VPS25: variants seen among roughly 807,000 people sequenced by gnomAD.
VPS25 encodes vacuolar protein sorting 25 homolog.
In VPS25, 21 loss-of-function variants were observed where a neutral mutation model predicts 30.3. That is an observed-to-expected ratio of 0.69 (90% CI 0.49 to 1.00). The LOEUF (loss-of-function observed/expected upper bound fraction) is 1.00. Ranked by LOEUF, VPS25 falls within the 50% of genes least tolerant of loss-of-function variation. VPS25 has a pLI of 0.00. For missense variants in VPS25, 156 were observed against 217.2 expected (o/e 0.72, Z 1.77); for synonymous variants, 101 against 88.1 (o/e 1.15, Z -0.82).
intron 5 of VPS25, 141 bp from the exon 6 acceptor site, chr17:42,778,816 A>C: frequency 3.1e-6 from 2 of 635,768 alleles, no homozygotes; most frequent in Non-Finnish European, 5.5e-6. Flanking sequence ...AGTGCCTGGG[A>C]AGTGTGGATG....
At chr17:42,778,774 T>C (rs1295612003) in intron 5 of VPS25, among the ~76,000 whole-genome samples, 183 bp from the exon 6 acceptor site, 4 of 152,230 alleles carry the variant, frequency 2.6e-5, no homozygotes, top group Admixed American at 2.6e-4. Flanking sequence ...TTCATGCTGA[T>C]TCAGGCTTTC....
At chr17:42,778,615 G>A (rs1475596501) in intron 5 of VPS25, among the ~76,000 whole-genome samples, 1 of 152,208 alleles carries the variant, frequency 6.6e-6, no homozygotes, top group East Asian at 1.9e-4. Context: ...AGTGACAATG[G>A]CTCCGATCTC....
chr17:42,773,524 T>A lies in VPS25; in HGVS notation c.49T>A (p.Phe17Ile), dbSNP rs771891303. 7.4e-6 allele frequency: 12 copies of A among 1,614,006 alleles called. No homozygotes were observed. The highest frequency in any genetic ancestry group is 2.5e-6 in the Non-Finnish European group (3 of 1,180,024). The change falls in exon 1 of 6, where the codon TTT becomes ATT. Residue 17 changes from phenylalanine to isoleucine, a missense_variant. By Grantham distance (21) the Phe-to-Ile change is conservative. Transcript: ENST00000253794. ...GTGGCAGTATCGCTTCCCACCCTTCTTTACGTGAGGCTCAGACCCCAAGAA... is the reference window on the plus strand; with the variant it reads ...GTGGCAGTATCGCTTCCCACCCTTCATTACGTGAGGCTCAGACCCCAAGAA... ...WPWQYRFPPF[F>I]TLQPNVDTRQ...
In VPS25 at chr17:42,773,870, A is replaced by C. The variant is rs779021311; in HGVS notation, c.191A>C (p.Lys64Thr). The C allele has an allele frequency of 1.9e-6, 3 of 1,613,224 alleles. No individual in the cohort carries two copies. In the South Asian group the frequency reaches 3.3e-5, roughly 18 times the overall value. The change falls in exon 2 of 6, where the codon AAG becomes ACG. Residue 64 changes from lysine (K) to threonine (T), a missense_variant. Transcript: ENST00000253794. ...GAGAGCCCGCTCTTCAACAACGTCA[A>C]GCTACAGCGTATCCTCCCTCAGGCT... ...AQESPLFNNV[K>T]LQRKLPVESI...
At chr17:42,773,614 G>C (rs2054421171) in intron 1 of VPS25, 86 bp downstream of exon 1, 3 of 1,607,358 alleles carry the variant, frequency 1.9e-6, no homozygotes, top group Non-Finnish European at 2.6e-6. Context: ...CATATGGGGA[G>C]GGGGAGAAAA....
At chr17:42,776,511 C>T (rs910839741) in intron 5 of VPS25, among the ~76,000 whole-genome samples, 191 bp downstream of exon 5, 7 of 151,010 alleles carry the variant, frequency 4.6e-5, no homozygotes, top group Non-Finnish European at 1.0e-4. Flanking sequence ...TACAGGTGTG[C>T]GCCACCACGC....
In VPS25 at chr17:42,779,152, T is replaced by C; in HGVS notation, c.*83T>C. 1 of 1,312,356 alleles carries C rather than the reference T, an allele frequency of 7.6e-7. No individual in the cohort carries two copies. Among genetic ancestry groups the C allele is most frequent in the Non-Finnish European group, 1.1e-6 (1 of 934,186 alleles). 81.3% of individuals were successfully genotyped at this position (1,312,356 alleles called of 1,614,324 possible). On this transcript the variant is annotated 3_prime_UTR_variant, in exon 6 of 6. Coordinates refer to ENST00000253794, the MANE Select transcript of VPS25 (RefSeq NM_032353.4). ...GACAGACCCAGTGTCCCCCAAAGAC[T>C]GGATCTGTGACTCCACCAGACTCAA...
In VPS25 at chr17:42,778,952, T is replaced by A. The variant is rs373163854; in HGVS notation, c.419-5T>A. ...GATTGTCTCTGCCTATCTCTCCCTG[T>A]TCAGAGTTCCACGGGCTGGATGAAG... is the stretch of plus-strand genomic sequence containing the variant. On this transcript the variant is annotated splice_region_variant and splice_polypyrimidine_tract_variant and intron_variant, in intron 5 of 5. Transcript: ENST00000253794. 5.0e-6 allele frequency: 8 copies of A among 1,613,502 alleles called. No individual in the cohort carries two copies. The highest frequency in any genetic ancestry group is 5.9e-6 in the Non-Finnish European group (7 of 1,179,662).
chr17:42,774,375 T>C, intron 2 of VPS25: 1 of 230,440 alleles, frequency 4.3e-6, no homozygotes, highest in Non-Finnish European at 8.2e-6. Flanking sequence ...TTTCTTTCTT[T>C]TTTTTTTTTT....
rs1196428539 is a variant in VPS25, at chr17:42,779,129, C to G, written c.*60C>G. 1 of 1,468,642 alleles carries G rather than the reference C, an allele frequency of 6.8e-7. No individual in the cohort carries two copies. The highest frequency in any genetic ancestry group is 2.4e-5 in the East Asian group (1 of 41,866). The allele number at this position is 1,468,642 out of a possible 1,614,324, so 91.0% of individuals were successfully genotyped here. A position where few individuals can be genotyped will look rare whatever the true frequency, so the allele number is the denominator to read the frequency against. On this transcript the variant is annotated 3_prime_UTR_variant, in exon 6 of 6. Coordinates refer to ENST00000253794, the MANE Select transcript of VPS25 (RefSeq NM_032353.4). ...CCTTTCCAGGGCTTTCAAAAGGAGACAGACCCAGTGTCCCCCAAAGACTGG... is the reference window on the plus strand; with the variant it reads ...CCTTTCCAGGGCTTTCAAAAGGAGAGAGACCCAGTGTCCCCCAAAGACTGG...
At chr17:42,778,811 C>T in intron 5 of VPS25, 146 bp from the exon 6 acceptor site, 1 of 626,684 alleles carries the variant, frequency 1.6e-6, no homozygotes. Context: ...TAAGGAGTGC[C>T]TGGGAAGTGT....
rs968643827 is a variant in VPS25, at chr17:42,773,455, C to T, written c.-21C>T. The stretch of plus-strand genomic sequence containing the variant: ...CCGGAAGTCCTTAGCCGGTAGCTTC[C>T]GGGTTTCCTGGGCTACTACGATGGC... On this transcript the variant is annotated 5_prime_UTR_variant, in exon 1 of 6. Transcript: ENST00000253794. The T allele has an allele frequency of 2.5e-6, 4 of 1,614,174 alleles. No individual in the cohort carries two copies. The highest frequency in any genetic ancestry group is 1.3e-5 in the African/African-American group (1 of 75,050).
rs777935081 is a variant in VPS25, at chr17:42,778,951, G to A, written c.419-6G>A. Reference sequence around the variant, plus strand: ...TGATTGTCTCTGCCTATCTCTCCCTGTTCAGAGTTCCACGGGCTGGATGAA... The same window carrying A: ...TGATTGTCTCTGCCTATCTCTCCCTATTCAGAGTTCCACGGGCTGGATGAA... On this transcript the variant is annotated splice_region_variant and splice_polypyrimidine_tract_variant and intron_variant, in intron 5 of 5. Transcript: ENST00000253794. 1.9e-6 allele frequency: 3 copies of A among 1,613,590 alleles called. 1 individual carries two copies. In the South Asian group the frequency reaches 3.3e-5, roughly 18 times the overall value.
At position 42,779,063 on chromosome 17, in the gene VPS25, C is replaced by T. The variant is rs1421495171; in HGVS notation, c.525C>T (p.Phe175=). 1 of 1,613,648 alleles carries T rather than the reference C, an allele frequency of 6.2e-7. No individual in the cohort carries two copies. The highest frequency in any genetic ancestry group is 1.3e-5 in the African/African-American group (1 of 74,926). Reference sequence around the variant, plus strand: ...TCAGCGATGGCCGAGGCGTCAAGTTCTTCTAGCAGGGACCTGTCTCCCTTT... The same window carrying T: ...TCAGCGATGGCCGAGGCGTCAAGTTTTTCTAGCAGGGACCTGTCTCCCTTT... ...ITVSDGRGVK[F]F Residue 175 remains phenylalanine, a synonymous_variant, in exon 6 of 6, where the codon TTC becomes TTT. Transcript: ENST00000253794.
At chr17:42,776,211 G>A in intron 4 of VPS25, 34 bp from the exon 5 acceptor site, 2 of 1,587,240 alleles carry the variant, frequency 1.3e-6, no homozygotes. Context: ...GAGATTCTTG[G>A]TTCTAATTCA....
At chr17:42,776,960 T>C (rs1382452475) in intron 5 of VPS25, among the ~76,000 whole-genome samples, 1 of 152,220 alleles carries the variant, frequency 6.6e-6, no homozygotes, top group Admixed American at 6.5e-5. Context: ...GGCTCGTGCC[T>C]GTAATCCTAG....
intron 5 of VPS25, among the ~76,000 whole-genome samples, chr17:42,776,762 G>A (rs2054439094): frequency 6.6e-6 from 1 of 151,244 alleles, no homozygotes. Context: ...CTATGTTCAA[G>A]CGATTCTAAG....
At position 42,774,635 on chromosome 17, in the gene VPS25, C is replaced by A; in HGVS notation, c.200-11C>A. On this transcript the variant is annotated splice_polypyrimidine_tract_variant and intron_variant, in intron 2 of 5. Transcript: ENST00000253794. ...ACTCATGTGTATGCCGTTCCCTTAACCTTAAACCAGGAAAGCTTCCTGTGG... is the reference window on the plus strand; with the variant it reads ...ACTCATGTGTATGCCGTTCCCTTAAACTTAAACCAGGAAAGCTTCCTGTGG... The A allele has an allele frequency of 6.2e-7, 1 of 1,612,048 alleles. No individual in the cohort carries two copies. The highest frequency in any genetic ancestry group is 8.5e-7 in the Non-Finnish European group (1 of 1,178,518).
Position 42,778,977 on chromosome 17 carries a change from G to A in VPS25, c.439G>A (p.Ala147Thr). The change falls in exon 6 of 6, where the codon GCC (alanine) becomes ACC (threonine). Residue 147 changes from alanine to threonine, a missense_variant. Physicochemically the swap from Ala to Thr is moderately conservative, Grantham distance 58. Transcript: ENST00000253794. ...EDEEFHGLDE[A>T]TLLRALQALQ... ...TTCAGAGTTCCACGGGCTGGATGAA[G>A]CCACTCTACTGCGGGCTCTGCAGGC... The A allele has an allele frequency of 4.3e-6, 7 of 1,614,092 alleles. No homozygotes were observed. The highest frequency in any genetic ancestry group is 5.9e-6 in the Non-Finnish European group (7 of 1,179,956).
Sources: gnomAD v4.1 joint callset for allele counts (sites outside exome capture counted in the v4.1 genomes callset) on GRCh38, gnomAD v4.1.1 for gene constraint, MANE v1.5 for transcripts, NCBI Gene and HGNC (gene_info 2026-07-23, HGNC 2026-07-21) for gene names.